The following LRRC7 variants were observed in gnomAD, a reference collection of about 807,000 sequenced individuals.
LRRC7 encodes the protein leucine-rich repeat-containing protein 7.
A neutral mutation model predicts 175.7 loss-of-function variants in LRRC7; 23 were observed. The observed-to-expected ratio is 0.13, with a 90% CI of 0.09 to 0.19. The LOEUF (loss-of-function observed/expected upper bound fraction) is 0.19. LRRC7 is among the 10% of genes least tolerant of loss of function. LRRC7 has a pLI of 1.00. For missense variants in LRRC7, 1,354 were observed against 1,904.7 expected, an observed-to-expected ratio of 0.71 and a Z score of 5.38; for synonymous variants, 685 against 680.9, an observed-to-expected ratio of 1.01 and a Z score of -0.09.
intron 7 of LRRC7, among the ~76,000 whole-genome samples, chr1:69,840,256 A>C (rs1345768982): frequency 6.6e-6 from 1 of 152,036 alleles, no homozygotes; most frequent in Non-Finnish European, 1.5e-5. Context: ...TCTTCTTTGA[A>C]TAAAAATAAA....
Position 69,935,847 on chromosome 1 carries a change from G to A in LRRC7, c.711+4277G>A, listed in dbSNP as rs1330969352. On this transcript the variant is annotated intron_variant, in intron 8 of 26. Coordinates refer to ENST00000651989, the MANE Select transcript of LRRC7 (RefSeq NM_001370785.2). ...AAAATAAGAAAATGTATAGTTTTTT[G>A]TGGGTAGCACATTTTCTGTTTTGCT... Among the ~76,000 whole-genome samples the A allele has an allele frequency of 2.0e-5, 3 of 152,006 alleles. No homozygotes were observed. In the East Asian group the frequency reaches 5.8e-4, roughly 29 times the overall value.
chr1:69,592,851 G>A (rs1646693209), intron 1 of LRRC7, among the ~76,000 whole-genome samples: 1 of 152,012 alleles, frequency 6.6e-6, no homozygotes, highest in South Asian at 2.1e-4. Context: ...TGGGGAAGAT[G>A]AGTAATTTTC....
intron 25 of LRRC7, among the ~76,000 whole-genome samples, chr1:70,095,386 T>C (rs1247469807): frequency 3.3e-5 from 5 of 152,196 alleles, no homozygotes; most frequent in Non-Finnish European, 7.4e-5. Context: ...ACTAGGTTGT[T>C]TGAAGACATT....
intron 1 of LRRC7, among the ~76,000 whole-genome samples, chr1:69,619,348 T>C (rs1650189569): frequency 6.6e-6 from 1 of 152,170 alleles, no homozygotes; most frequent in African/African-American, 2.4e-5. Context: ...CATCAAACTG[T>C]AATACTAGTA....
chr1:70,105,336 TAA>T (rs1003394402), intron 25 of LRRC7, among the ~76,000 whole-genome samples: 1 of 152,180 alleles, frequency 6.6e-6, no homozygotes, highest in Non-Finnish European at 1.5e-5. Flanking sequence ...CCAAATTTTT[TAA>T]GTTTGTTTTA....
At chr1:69,585,277 G>A (rs573453833) in intron 1 of LRRC7, among the ~76,000 whole-genome samples, 1 of 152,148 alleles carries the variant, frequency 6.6e-6, no homozygotes, top group South Asian at 2.1e-4. Flanking sequence ...TACTCTGTGA[G>A]CAAATATGAT....
rs146874592 is a variant in LRRC7, at chr1:69,705,202, A to G, written c.100+26724A>G. On this transcript the variant is annotated intron_variant, in intron 2 of 26. Coordinates refer to ENST00000651989, the MANE Select transcript of LRRC7 (RefSeq NM_001370785.2). ...TTACAACAACAAAAGTTTATTTTTC[A>G]CTACAATTACTTGGCTCCATATTGG... Among the ~76,000 whole-genome samples, 414 of 152,240 alleles carry G rather than the reference A, an allele frequency of 2.7e-3. 1 individual carries two copies. Among genetic ancestry groups the G allele is most frequent in the African/African-American group, 9.7e-3 (401 of 41,554 alleles).
chr1:69,815,241 A>G (rs1021779598), intron 4 of LRRC7, among the ~76,000 whole-genome samples: 2 of 152,170 alleles, frequency 1.3e-5, no homozygotes, highest in African/African-American at 2.4e-5. Flanking sequence ...TTTGGTGACA[A>G]ACATCCTACA....
rs182585490 is a variant in LRRC7, at chr1:69,977,895, C to G, written c.712-2484C>G. Among the ~76,000 whole-genome samples the G allele has an allele frequency of 7.2e-5, 11 of 152,218 alleles. No homozygotes were observed. The East Asian group carries it at 1.7e-3, about 24-fold the overall frequency. On this transcript the variant is annotated intron_variant, in intron 8 of 26. Coordinates refer to ENST00000651989, the MANE Select transcript of LRRC7 (RefSeq NM_001370785.2). ...GTTAAAATAACATAATCTAATCCAC[C>G]CTGAATAATAATAATGTTTACAGTT... is the stretch of plus-strand genomic sequence containing the variant.
intron 5 of LRRC7, among the ~76,000 whole-genome samples, chr1:69,827,574 G>C (rs1057410438): frequency 6.6e-6 from 1 of 151,982 alleles, no homozygotes; most frequent in African/African-American, 2.4e-5. Flanking sequence ...CTCTGGCCAG[G>C]CATGGTTGCT....
intron 2 of LRRC7, among the ~76,000 whole-genome samples, chr1:69,729,891 C>T (rs555145230): frequency 7.9e-5 from 12 of 152,348 alleles, no homozygotes; most frequent in Non-Finnish European, 1.3e-4. Context: ...CACAGTTCTT[C>T]CTGGTCATCC....
chr1:69,803,908 A>T (rs1336382057), intron 4 of LRRC7, among the ~76,000 whole-genome samples: 3 of 151,302 alleles, frequency 2.0e-5, no homozygotes. Context: ...TCTTTTTAGC[A>T]ACTTTTCCAG....
chr1:69,925,352 T>C (rs1647032628), intron 7 of LRRC7, among the ~76,000 whole-genome samples: 3 of 152,176 alleles, frequency 2.0e-5, no homozygotes, highest in Admixed American at 1.3e-4. Flanking sequence ...TTTCTATTGA[T>C]TGGAATAGTT....
chr1:69,882,002 C>A, intron 7 of LRRC7, among the ~76,000 whole-genome samples: 1 of 131,404 alleles, frequency 7.6e-6, no homozygotes, highest in Non-Finnish European at 1.6e-5. Flanking sequence ...GTTCATACGA[C>A]TGAATAGCAA....
intron 7 of LRRC7, among the ~76,000 whole-genome samples, chr1:69,908,462 G>A (rs967455270): frequency 1.9e-4 from 29 of 151,960 alleles, no homozygotes; most frequent in African/African-American, 6.8e-4. Context: ...GGTATGTTGT[G>A]TCTTTGTTCT....
chr1:69,799,422 C>T (rs901738837), intron 4 of LRRC7, among the ~76,000 whole-genome samples: 1 of 152,072 alleles, frequency 6.6e-6, no homozygotes, highest in Non-Finnish European at 1.5e-5. Flanking sequence ...CATGTGTACA[C>T]ACTGTTTAGC....
At chr1:69,956,210 C>T in intron 8 of LRRC7, among the ~76,000 whole-genome samples, 1 of 151,802 alleles carries the variant, frequency 6.6e-6, no homozygotes, top group East Asian at 1.9e-4. Context: ...TTCCTCTTGC[C>T]TGTATCCTAG....
chr1:69,703,157 C>A (rs926336416), intron 2 of LRRC7, among the ~76,000 whole-genome samples: 2 of 152,002 alleles, frequency 1.3e-5, no homozygotes, highest in Non-Finnish European at 1.5e-5. Context: ...ACTTTTACAT[C>A]AAACAATGAA....
At chr1:70,064,337 C>T (rs930936979) in intron 23 of LRRC7, among the ~76,000 whole-genome samples, 1 of 151,966 alleles carries the variant, frequency 6.6e-6, no homozygotes, top group Non-Finnish European at 1.5e-5. Flanking sequence ...ACAGTACATA[C>T]AGTAGGCACT....
Sources: gnomAD v4.1 joint callset for allele counts (sites outside exome capture counted in the v4.1 genomes callset) on GRCh38, gnomAD v4.1.1 for gene constraint, MANE v1.5 for transcripts, NCBI Gene and HGNC (gene_info 2026-07-23, HGNC 2026-07-21) for gene names.